ATM: variants seen among roughly 807,000 people sequenced by gnomAD.
ATM encodes the protein ATM serine/threonine kinase, also known as serine-protein kinase ATM.
Under a neutral mutation model 387.0 loss-of-function variants are expected in ATM, and 308 were observed. The ratio of observed to expected loss-of-function variants is 0.80; its 90% CI spans 0.73 to 0.87. The LOEUF is 0.87. Among genes scored for constraint, ATM ranks in the 40% least tolerant of loss-of-function variants. ATM has a pLI of 0.00. For missense variants in ATM, 3,312 were observed against 3,560.9 expected (o/e 0.93, Z 1.78); for synonymous variants, 1,156 against 1,187.3 (o/e 0.97, Z 0.54).
chr11:108,330,135 A>G, intron 49 of ATM, 79 bp from the exon 50 acceptor site: 4 of 1,475,156 alleles, frequency 2.7e-6, no homozygotes, highest in Non-Finnish European at 3.7e-6. Context: ...TTTTCATTAA[A>G]TGTTGTATAT....
chr11:108,293,278 C>T (rs751993521), intron 30 of ATM, 35 bp from the exon 31 acceptor site: 22 of 1,275,888 alleles, frequency 1.7e-5, no homozygotes, highest in African/African-American at 9.1e-5. Flanking sequence ...AATTATTTCT[C>T]TCCTTATAAT....
intron 24 of ATM, among the ~76,000 whole-genome samples, chr11:108,281,476 G>C (rs976832239): frequency 6.6e-6 from 1 of 152,190 alleles, no homozygotes; most frequent in Non-Finnish European, 1.5e-5. Flanking sequence ...AACACATGGA[G>C]ACAAGAGCAG....
chr11:108,321,536 A>G lies in ATM; in HGVS notation c.6572+116A>G. The G allele has an allele frequency of 3.4e-6, 5 of 1,472,744 alleles. No individual in the cohort carries two copies. The South Asian group carries it at 5.7e-5, about 17-fold the overall frequency. 91.2% of individuals were successfully genotyped at this position (1,472,744 alleles called of 1,614,324 possible). On this transcript the variant is annotated intron_variant, in intron 45 of 62. Coordinates refer to ENST00000675843, the MANE Select transcript of ATM (RefSeq NM_000051.4). The stretch of plus-strand genomic sequence containing the variant: ...GGTGGCTCATGCCTGTAATCCTAGC[A>G]CTTTAGAAGGCTGAAGTGGGTGGAT...
chr11:108,241,647 A>G (rs1438512355), intron 5 of ATM, among the ~76,000 whole-genome samples: 1 of 150,314 alleles, frequency 6.7e-6, no homozygotes, highest in African/African-American at 2.4e-5. Flanking sequence ...TCATAACAGT[A>G]TGTATCATTT....
chr11:108,267,314 C>G lies in ATM; in HGVS notation c.2610C>G (p.Asn870Lys), dbSNP rs587780618. 6.2e-7 allele frequency: 1 copy of G among 1,613,960 alleles called. No individual in the cohort carries two copies. The highest frequency in any genetic ancestry group is 8.5e-7 in the Non-Finnish European group (1 of 1,179,952). Residue 870 changes from asparagine (N) to lysine (K), a missense_variant, in exon 17 of 63, where the codon AAC (asparagine) becomes AAG (lysine). Physicochemically the swap from Asn to Lys is moderately conservative, Grantham distance 94 (BLOSUM62 0). Transcript: ENST00000675843. The stretch of plus-strand genomic sequence containing the variant: ...CTGATAGTAGTGTTAGTGATGCAAA[C>G]GAACCTGGAGAGAGCCAAAGTACCA... ...DYPDSSVSDA[N>K]EPGESQSTIG...
chr11:108,272,498 A>G (rs2081635708), intron 20 of ATM, 34 bp from the exon 21 acceptor site: 1 of 1,530,650 alleles, frequency 6.5e-7, no homozygotes, highest in African/African-American at 1.4e-5. Context: ...TATCAGAATG[A>G]TTATTTAACT....
chr11:108,351,101 T>C (rs1396526546), intron 59 of ATM, among the ~76,000 whole-genome samples: 3 of 152,176 alleles, frequency 2.0e-5, no homozygotes, highest in Non-Finnish European at 4.4e-5. Context: ...TAACACACAA[T>C]ATAGAAGACT....
intron 59 of ATM, among the ~76,000 whole-genome samples, chr11:108,351,508 G>C (rs2089198001): frequency 6.6e-6 from 1 of 152,194 alleles, no homozygotes; most frequent in South Asian, 2.1e-4. Flanking sequence ...TTTCACTTAG[G>C]ATCTCTCATG....
Position 108,284,120 on chromosome 11 carries a change from T to C in ATM, c.3747-107T>C, listed in dbSNP as rs989493408. On this transcript the variant is annotated intron_variant, in intron 25 of 62. Coordinates refer to ENST00000675843, the MANE Select transcript of ATM (RefSeq NM_000051.4). ...AATGTTTAATAATCTGGATAAAGTA[T>C]GATACTTTAATGCTGATGGTATTAA... 3 of 826,298 alleles carry C rather than the reference T, an allele frequency of 3.6e-6. No individual in the cohort carries two copies. The African/African-American group carries it at 5.2e-5, about 14-fold the overall frequency. 51.2% of individuals were successfully genotyped at this position (826,298 alleles called of 1,614,324 possible).
chr11:108,344,283 T>G (rs2087999787), intron 57 of ATM, among the ~76,000 whole-genome samples: 1 of 152,150 alleles, frequency 6.6e-6, no homozygotes, highest in Admixed American at 6.5e-5. Flanking sequence ...CAAGAAATGC[T>G]TCACAGAGGA....
Position 108,271,406 on chromosome 11 carries a change from G to A in ATM, c.3077G>A (p.Trp1026Ter), listed in dbSNP as rs587782103. The part of the protein sequence containing the change: ...GQFLTVIGAF[W>*]HLTKERKYIF... ...TTTCTTACAGTAATTGGAGCATTTT[G>A]GTAGGTACAGTCTATTTTGTGGTCC... Residue 1026 changes from tryptophan (W) to a stop codon, truncating the protein, a stop_gained and splice_region_variant, in exon 20 of 63, where the codon TGG becomes TAG. Coordinates refer to ENST00000675843, the MANE Select transcript of ATM (RefSeq NM_000051.4). LOFTEE classifies it high-confidence loss of function. 6.2e-7 allele frequency: 1 copy of A among 1,613,938 alleles called. No individual in the cohort carries two copies. The highest frequency in any genetic ancestry group is 8.5e-7 in the Non-Finnish European group (1 of 1,179,964).
intron 25 of ATM, among the ~76,000 whole-genome samples, chr11:108,283,687 G>T (rs1037820432): frequency 2.0e-5 from 3 of 152,144 alleles, no homozygotes; most frequent in African/African-American, 7.2e-5. Flanking sequence ...ATTCATTCCA[G>T]GATCCCCCAT....
chr11:108,267,827 C>T (rs1010490553), intron 17 of ATM, among the ~76,000 whole-genome samples: 1 of 152,206 alleles, frequency 6.6e-6, no homozygotes, highest in East Asian at 1.9e-4. Context: ...CACTGCATTC[C>T]AGCCTGGGCG....
intron 61 of ATM, among the ~76,000 whole-genome samples, chr11:108,361,743 A>G (rs1261100962): frequency 6.6e-6 from 1 of 151,874 alleles, no homozygotes. Context: ...CTGGCTAGCC[A>G]TATGGAGAAA....
At chr11:108,280,169 T>C (rs1043511922) in intron 23 of ATM, among the ~76,000 whole-genome samples, 1 of 152,152 alleles carries the variant, frequency 6.6e-6, no homozygotes, top group Non-Finnish European at 1.5e-5. Flanking sequence ...AAAGGAACAA[T>C]TGAAAGAATG....
At chr11:108,251,567 C>T (rs947603641) in intron 10 of ATM, among the ~76,000 whole-genome samples, 1 of 152,116 alleles carries the variant, frequency 6.6e-6, no homozygotes, top group Non-Finnish European at 1.5e-5. Context: ...AAAAGACTTT[C>T]TTTAAAGAAT....
intron 17 of ATM, among the ~76,000 whole-genome samples, chr11:108,267,584 C>T (rs560871456): frequency 6.6e-6 from 1 of 152,048 alleles, no homozygotes; most frequent in Non-Finnish European, 1.5e-5. Flanking sequence ...CCAGGCCAGG[C>T]ATGGTGGCTC....
At chr11:108,242,598 ACCTGTCATCT>A (rs1484985592) in intron 5 of ATM, among the ~76,000 whole-genome samples, 1 of 152,074 alleles carries the variant, frequency 6.6e-6, no homozygotes, top group African/African-American at 2.4e-5. Context: ...AGTGGCTTAC[ACCTGTCATCT>A]CAGCACTTTC....
chr11:108,363,389 C>T (rs1015812102), intron 61 of ATM, among the ~76,000 whole-genome samples: 7 of 152,152 alleles, frequency 4.6e-5, no homozygotes, highest in Non-Finnish European at 7.4e-5. Flanking sequence ...ATTTTATTTT[C>T]TTCCTAATGG....
Sources: gnomAD v4.1 joint callset for allele counts (sites outside exome capture counted in the v4.1 genomes callset) on GRCh38, gnomAD v4.1.1 for gene constraint, MANE v1.5 for transcripts, NCBI Gene and HGNC (gene_info 2026-07-23, HGNC 2026-07-21) for gene names.